The following LRRC8D variants were observed in gnomAD, a reference collection of about 807,000 sequenced individuals.
The protein encoded by LRRC8D is leucine rich repeat containing 8 VRAC subunit D.
A neutral mutation model predicts 55.8 loss-of-function variants in LRRC8D; 20 were observed. That is an observed-to-expected ratio of 0.36 (90% CI 0.25 to 0.52). The LOEUF (loss-of-function observed/expected upper bound fraction) is 0.52. Ranked by LOEUF, LRRC8D falls within the 20% of genes least tolerant of loss-of-function variation. The pLI, the probability that LRRC8D is intolerant of heterozygous loss-of-function variation, is 0.93. For synonymous variants in LRRC8D, 352 were observed against 377.0 expected (o/e 0.93, Z 0.77); for missense variants, 651 against 1,030.8 (o/e 0.63, Z 5.05).
rs747139871 is a variant in LRRC8D at position 89,935,693 on chromosome 1, T to A, written c.*48T>A. The A allele has an allele frequency of 3.9e-6, 6 of 1,540,304 alleles. No individual in the cohort carries two copies. Among genetic ancestry groups the A allele is most frequent in the Non-Finnish European group, 5.3e-6 (6 of 1,123,264 alleles). On this transcript the variant is annotated 3_prime_UTR_variant, in exon 3 of 3. Coordinates refer to ENST00000337338, the MANE Select transcript of LRRC8D (RefSeq NM_001134479.2). Reference sequence around the variant, plus strand: ...GATGTGCAGGAACAACTTCCTAGATTGCAAGTGCTCACGTACAAGTTATTA... The same window carrying A: ...GATGTGCAGGAACAACTTCCTAGATAGCAAGTGCTCACGTACAAGTTATTA...
chr1:89,871,242 T>C (rs756933333), intron 2 of LRRC8D, among the ~76,000 whole-genome samples: 1 of 152,220 alleles, frequency 6.6e-6, no homozygotes, highest in Admixed American at 6.5e-5. Context: ...ATCTTATGTC[T>C]ATCTAGGGTT....
chr1:89,889,398 A>C (rs1221062658), intron 2 of LRRC8D, among the ~76,000 whole-genome samples: 2 of 152,154 alleles, frequency 1.3e-5, no homozygotes, highest in African/African-American at 4.8e-5. Flanking sequence ...GAACAGAAAA[A>C]GAACATTAGG....
At chr1:89,843,127 T>G (rs1286832263) in intron 1 of LRRC8D, 1 of 152,388 alleles carries the variant, frequency 6.6e-6, no homozygotes, top group Non-Finnish European at 1.5e-5. Flanking sequence ...GTGGATATAC[T>G]GGGATGTGGC....
At chr1:89,883,914 A>G (rs1662343585) in intron 2 of LRRC8D, among the ~76,000 whole-genome samples, 1 of 152,106 alleles carries the variant, frequency 6.6e-6, no homozygotes, top group South Asian at 2.1e-4. Context: ...CTTTCTGAAA[A>G]CCCAAACAAA....
intron 2 of LRRC8D, among the ~76,000 whole-genome samples, chr1:89,930,200 T>C (rs978486131): frequency 8.5e-5 from 13 of 152,176 alleles, no homozygotes; most frequent in Non-Finnish European, 1.9e-4. Context: ...CAGGTTTCTA[T>C]GTACTTCATT....
At position 89,935,726 on chromosome 1, in the gene LRRC8D, A is replaced by G. The variant is rs1663837708; in HGVS notation, c.*81A>G. On this transcript the variant is annotated 3_prime_UTR_variant, in exon 3 of 3. Transcript: ENST00000337338. ...CTCACGTACAAGTTATTACAAGATA[A>G]TGCATTTTAGGAGTAGATACATCTT... 3 of 1,319,598 alleles carry G rather than the reference A, an allele frequency of 2.3e-6. No individual in the cohort carries two copies. Among genetic ancestry groups the G allele is most frequent in the African/African-American group, 2.9e-5 (2 of 68,464 alleles). The allele number at this position is 1,319,598 out of a possible 1,614,324, so 81.7% of individuals were successfully genotyped here.
intron 2 of LRRC8D, among the ~76,000 whole-genome samples, chr1:89,927,439 A>G (rs757626124): frequency 3.9e-5 from 6 of 152,212 alleles, no homozygotes; most frequent in Non-Finnish European, 8.8e-5. Flanking sequence ...CTTTTATTCT[A>G]CAGTTGATAG....
chr1:89,855,300 T>C (rs1661526640), intron 2 of LRRC8D, among the ~76,000 whole-genome samples: 1 of 152,206 alleles, frequency 6.6e-6, no homozygotes. Context: ...GAAGGTGTAC[T>C]TATTCTTCAA....
In LRRC8D at chr1:89,933,188, C is replaced by T; in HGVS notation, c.120C>T (p.Ile40=). 6.2e-7 allele frequency: 1 copy of T among 1,614,160 alleles called. No individual in the cohort carries two copies. The highest frequency in any genetic ancestry group is 2.2e-5 in the East Asian group (1 of 44,892). The change falls in exon 3 of 3, where the codon ATC becomes ATT. Residue 40 remains isoleucine (I), a synonymous_variant. Transcript: ENST00000337338. This position sits in a 1 kb window ranked among gnomAD's most constrained non-coding sequence, Gnocchi z 7.0. ...YLAVVMLMVA[I]FAGTMQLTKD... ...CTGTTGTTATGTTAATGGTAGCCAT[C>T]TTTGCAGGAACCATGCAACTTACCA...
intron 2 of LRRC8D, among the ~76,000 whole-genome samples, chr1:89,846,292 T>G (rs1287529584): frequency 6.6e-6 from 1 of 151,836 alleles, no homozygotes; most frequent in Non-Finnish European, 1.5e-5. Flanking sequence ...CATGTTCTGT[T>G]TACACAGTGT....
chr1:89,885,528 C>G (rs550346615), intron 2 of LRRC8D, among the ~76,000 whole-genome samples: 1 of 152,228 alleles, frequency 6.6e-6, no homozygotes, highest in East Asian at 1.9e-4. Flanking sequence ...TGAATACATC[C>G]TAGTAAGGAT....
intron 2 of LRRC8D, among the ~76,000 whole-genome samples, chr1:89,927,778 C>T (rs987450445): frequency 6.6e-6 from 1 of 152,200 alleles, no homozygotes; most frequent in Non-Finnish European, 1.5e-5. Flanking sequence ...GAGCCATTCT[C>T]TTAGCCCCCA....
At chr1:89,866,416 A>G (rs1661851385) in intron 2 of LRRC8D, among the ~76,000 whole-genome samples, 1 of 152,220 alleles carries the variant, frequency 6.6e-6, no homozygotes, top group Admixed American at 6.5e-5. Flanking sequence ...GATTAACATT[A>G]AGATGAAAAC....
intron 2 of LRRC8D, among the ~76,000 whole-genome samples, chr1:89,860,785 A>AAAAAAAAACATATAT (rs1553123917): frequency 3.5e-5 from 1 of 28,180 alleles, no homozygotes; most frequent in Non-Finnish European, 7.2e-5. Flanking sequence ...AAAAAAAAAA[A>AAAAAAAAACATATAT]ATATATATAT....
Position 89,934,010 on chromosome 1 carries a change from C to A in LRRC8D, c.942C>A (p.Ile314=), listed in dbSNP as rs763323348. 1 of 1,614,130 alleles carries A rather than the reference C, an allele frequency of 6.2e-7. No individual in the cohort carries two copies. The highest frequency in any genetic ancestry group is 8.5e-7 in the Non-Finnish European group (1 of 1,180,026). ...IYKLYVVQTV[I]KTAKFIFILC... is the part of the protein sequence containing the mutation. ...AACTCTATGTGGTCCAAACAGTTATCAAAACAGCCAAGTTCATTTTTATTC... is the reference window on the plus strand; with the variant it reads ...AACTCTATGTGGTCCAAACAGTTATAAAAACAGCCAAGTTCATTTTTATTC... The change falls in exon 3 of 3, where the codon ATC becomes ATA. Residue 314 remains isoleucine (I), a synonymous_variant. Coordinates refer to ENST00000337338, the MANE Select transcript of LRRC8D (RefSeq NM_001134479.2). The surrounding 1 kb of genome is among the most constrained non-coding windows in gnomAD (Gnocchi z 5.9).
intron 2 of LRRC8D, among the ~76,000 whole-genome samples, chr1:89,856,951 A>G (rs1259462088): frequency 2.0e-5 from 3 of 152,212 alleles, no homozygotes; most frequent in African/African-American, 7.2e-5. Flanking sequence ...TGTCAATTAT[A>G]CTTTCTTTTT....
intron 2 of LRRC8D, among the ~76,000 whole-genome samples, chr1:89,871,554 A>G (rs373975919): frequency 5.9e-5 from 9 of 152,218 alleles, no homozygotes; most frequent in Non-Finnish European, 1.2e-4. Context: ...GCATTTACAT[A>G]TGGTATAATT....
intron 2 of LRRC8D, among the ~76,000 whole-genome samples, chr1:89,901,779 C>A (rs1007075929): frequency 1.3e-5 from 2 of 152,202 alleles, no homozygotes; most frequent in Non-Finnish European, 2.9e-5. Context: ...CTTAGCTGGA[C>A]TTTCTTATAC....
chr1:89,829,958 A>T (rs1320295969), intron 1 of LRRC8D, among the ~76,000 whole-genome samples: 1 of 152,254 alleles, frequency 6.6e-6, no homozygotes, highest in East Asian at 1.9e-4. Context: ...TAAACAAATC[A>T]TGTAAAGATA....
Sources: gnomAD v4.1 joint callset for allele counts (sites outside exome capture counted in the v4.1 genomes callset) on GRCh38, gnomAD v4.1.1 for gene constraint, Gnocchi (gnomAD v3.1) non-coding constraint, MANE v1.5 for transcripts, NCBI Gene and HGNC (gene_info 2026-07-23, HGNC 2026-07-21) for gene names.